The following SDK2 variants were observed in gnomAD, a reference collection of about 807,000 sequenced individuals.
The protein encoded by SDK2 is protein sidekick-2.
In SDK2, 105 loss-of-function variants were observed where a neutral mutation model predicts 253.9. That is an observed-to-expected ratio of 0.41 (90% CI 0.35 to 0.49). The LOEUF (loss-of-function observed/expected upper bound fraction) is 0.49. SDK2 is among the 20% of genes least tolerant of loss of function. SDK2 has a pLI of 0.06. For synonymous variants in SDK2, 1,249 were observed against 1,234.9 expected (o/e 1.01, Z -0.24); for missense variants, 2,608 against 3,003.0 (o/e 0.87, Z 3.07).
intron 1 of SDK2, among the ~76,000 whole-genome samples, chr17:73,576,769 A>G (rs1197851158): frequency 6.6e-6 from 1 of 152,198 alleles, no homozygotes; most frequent in Non-Finnish European, 1.5e-5. Flanking sequence ...TATTGTTGAC[A>G]GTGAATTTTT....
At chr17:73,637,975 C>T (rs2046352909) in intron 1 of SDK2, among the ~76,000 whole-genome samples, 2 of 152,226 alleles carry the variant, frequency 1.3e-5, no homozygotes, top group Admixed American at 1.3e-4. Flanking sequence ...ACTCCTGTCT[C>T]AATGGCAACA....
At chr17:73,358,868 C>T (rs115085813) in intron 39 of SDK2, among the ~76,000 whole-genome samples, 1,736 of 152,158 alleles carry the variant, frequency 0.011, 22 homozygotes, top group South Asian at 0.043. Context: ...CCCCATGCCG[C>T]GCTCCTGGAA....
chr17:73,485,639 G>A (rs548503780), intron 2 of SDK2, among the ~76,000 whole-genome samples: 2 of 152,326 alleles, frequency 1.3e-5, no homozygotes, highest in East Asian at 1.9e-4. Flanking sequence ...GGAAGAAAGA[G>A]TTCACACATT....
intron 18 of SDK2, among the ~76,000 whole-genome samples, chr17:73,409,709 C>CT (rs1568387746): frequency 2.0e-5 from 3 of 152,024 alleles, no homozygotes; most frequent in Admixed American, 6.6e-5. Context: ...ACAAACACTG[C>CT]TTTTTTCTCC....
chr17:73,586,967 A>C (rs2045610795), intron 1 of SDK2, among the ~76,000 whole-genome samples: 1 of 152,104 alleles, frequency 6.6e-6, no homozygotes, highest in Non-Finnish European at 1.5e-5. Flanking sequence ...CAGTTTCCTC[A>C]TCTGTCCAAG....
intron 29 of SDK2, 94 bp from the exon 30 acceptor site, chr17:73,388,131 G>T: frequency 1.2e-6 from 1 of 867,288 alleles, no homozygotes. Flanking sequence ...GGTGATCTGG[G>T]CTCAGGCCTG....
chr17:73,565,416 A>T (rs2045297792), intron 1 of SDK2, among the ~76,000 whole-genome samples: 1 of 152,386 alleles, frequency 6.6e-6, no homozygotes, highest in East Asian at 1.9e-4. Context: ...CATGTAATTC[A>T]TGACATCTAG....
At chr17:73,576,104 G>A (rs902806456) in intron 1 of SDK2, among the ~76,000 whole-genome samples, 3 of 152,210 alleles carry the variant, frequency 2.0e-5, no homozygotes, top group African/African-American at 7.2e-5. Flanking sequence ...AAATTCTCGA[G>A]GCAAAAGGGG....
chr17:73,456,930 A>G (rs1242019338), intron 3 of SDK2, among the ~76,000 whole-genome samples: 2 of 152,220 alleles, frequency 1.3e-5, no homozygotes, highest in Non-Finnish European at 2.9e-5. Flanking sequence ...TGTTACTTTG[A>G]TTGTGGCCCA....
At chr17:73,540,162 G>T (rs2044845074) in intron 1 of SDK2, among the ~76,000 whole-genome samples, 1 of 152,176 alleles carries the variant, frequency 6.6e-6, no homozygotes, top group African/African-American at 2.4e-5. Flanking sequence ...ACCCAGGATG[G>T]GCTGTCCCCA....
chr17:73,582,231 G>A (rs994367800), intron 1 of SDK2, among the ~76,000 whole-genome samples: 2 of 150,770 alleles, frequency 1.3e-5, no homozygotes, highest in Non-Finnish European at 3.0e-5. Context: ...CGCACACCAC[G>A]CAGGCATCAG....
At chr17:73,640,861 GC>G (rs554032943) in intron 1 of SDK2, among the ~76,000 whole-genome samples, 184 of 152,314 alleles carry the variant, frequency 1.2e-3, no homozygotes, top group African/African-American at 4.2e-3. Flanking sequence ...AACTTCTGGA[GC>G]AGCTGGCTCG....
intron 2 of SDK2, among the ~76,000 whole-genome samples, chr17:73,480,120 G>A (rs1228995104): frequency 1.3e-5 from 2 of 152,212 alleles, no homozygotes; most frequent in Non-Finnish European, 2.9e-5. Flanking sequence ...TGCAGAGGCA[G>A]TGCTAACATA....
chr17:73,509,993 G>A (rs912750648), intron 1 of SDK2, among the ~76,000 whole-genome samples: 19 of 151,524 alleles, frequency 1.3e-4, no homozygotes, highest in Non-Finnish European at 2.2e-4. Flanking sequence ...GCTAGGGAGG[G>A]GGCAGTTTGC....
At chr17:73,533,061 C>T (rs576180540) in intron 1 of SDK2, among the ~76,000 whole-genome samples, 2 of 152,360 alleles carry the variant, frequency 1.3e-5, no homozygotes, top group Admixed American at 1.3e-4. Context: ...CATCTTGCTC[C>T]TGCCTTTCTC....
At chr17:73,514,168 T>C (rs1322277675) in intron 1 of SDK2, among the ~76,000 whole-genome samples, 1 of 152,162 alleles carries the variant, frequency 6.6e-6, no homozygotes, top group Admixed American at 6.5e-5. Flanking sequence ...ACAGACCCTC[T>C]GTGTGTCATT....
chr17:73,472,003 TG>T, intron 3 of SDK2, 108 bp downstream of exon 3: 1 of 771,594 alleles, frequency 1.3e-6, no homozygotes, highest in Non-Finnish European at 2.1e-6. Flanking sequence ...GGGCACTCAG[TG>T]GGTGTTGATG....
chr17:73,339,838 T>C (rs1257541684), intron 44 of SDK2, among the ~76,000 whole-genome samples: 1 of 152,058 alleles, frequency 6.6e-6, no homozygotes, highest in Non-Finnish European at 1.5e-5. Flanking sequence ...ATTACAGGCG[T>C]GAGCTACTTT....
intron 1 of SDK2, among the ~76,000 whole-genome samples, chr17:73,525,162 C>G (rs933575326): frequency 6.6e-6 from 1 of 152,196 alleles, no homozygotes; most frequent in East Asian, 1.9e-4. Flanking sequence ...AGGCAAGAAG[C>G]CCGGAGAACC....
Sources: gnomAD v4.1 joint callset for allele counts (sites outside exome capture counted in the v4.1 genomes callset) on GRCh38, gnomAD v4.1.1 for gene constraint, MANE v1.5 for transcripts, NCBI Gene and HGNC (gene_info 2026-07-23, HGNC 2026-07-21) for gene names.